Variants in LAMA1 observed in about 807,000 individuals in gnomAD.
LAMA1 encodes the protein laminin subunit alpha 1, also known as laminin subunit alpha-1.
Under a neutral mutation model 348.7 loss-of-function variants are expected in LAMA1, and 219 were observed. That is an observed-to-expected ratio of 0.63 (90% CI 0.56 to 0.70). The LOEUF (loss-of-function observed/expected upper bound fraction) is 0.70, where lower values mean the gene tolerates loss of function less well. Among genes scored for constraint, LAMA1 ranks in the 30% least tolerant of loss-of-function variants. The pLI is 0.00. For missense variants in LAMA1, 3,744 were observed against 3,888.0 expected, an observed-to-expected ratio of 0.96 and a Z score of 0.99; for synonymous variants, 1,487 against 1,491.0, an observed-to-expected ratio of 1.00 and a Z score of 0.06.
chr18:7,018,250 C>T (rs557736642), intron 19 of LAMA1, among the ~76,000 whole-genome samples: 1 of 133,908 alleles, frequency 7.5e-6, no homozygotes, highest in Admixed American at 8.0e-5. Context: ...GCAGGAGAAT[C>T]TCGTGAACCT....
intron 1 of LAMA1, among the ~76,000 whole-genome samples, chr18:7,098,766 G>T (rs1450442711): frequency 4.6e-5 from 6 of 129,842 alleles, no homozygotes; most frequent in Admixed American, 7.9e-5. Context: ...AGGAGGTGAG[G>T]GGCGCCTCTG....
chr18:7,096,584 G>A (rs2058262076), intron 1 of LAMA1, among the ~76,000 whole-genome samples: 1 of 151,968 alleles, frequency 6.6e-6, no homozygotes, highest in African/African-American at 2.4e-5. Flanking sequence ...GAGCCCAGGA[G>A]GTCAAGGCTG....
chr18:7,032,265 A>C (rs1049808629), intron 15 of LAMA1, 89 bp from the exon 16 acceptor site: 3 of 811,222 alleles, frequency 3.7e-6, no homozygotes, highest in Non-Finnish European at 4.3e-6. Context: ...CTTTTTTCTT[A>C]AACATCTTAA....
At chr18:7,004,415 C>T (rs1037835639) in intron 29 of LAMA1, among the ~76,000 whole-genome samples, 3 of 152,004 alleles carry the variant, frequency 2.0e-5, no homozygotes, top group African/African-American at 4.8e-5. Flanking sequence ...TGTAATGGGG[C>T]GATCTCAGCT....
At chr18:6,979,879 A>G (rs2057702697) in intron 42 of LAMA1, among the ~76,000 whole-genome samples, 1 of 152,188 alleles carries the variant, frequency 6.6e-6, no homozygotes, top group African/African-American at 2.4e-5. Context: ...AGCCTGGGCG[A>G]CAGAGCGAGA....
intron 36 of LAMA1, among the ~76,000 whole-genome samples, chr18:6,988,856 C>T (rs1264668917): frequency 6.8e-6 from 1 of 147,242 alleles, no homozygotes. Context: ...GAGATACCAG[C>T]ATGGAAATCA....
chr18:7,071,272 A>T (rs766293708), intron 3 of LAMA1, among the ~76,000 whole-genome samples: 8 of 152,228 alleles, frequency 5.3e-5, no homozygotes, highest in Non-Finnish European at 1.0e-4. Flanking sequence ...TGATTTTTGT[A>T]CCTGCAAAGA....
chr18:6,952,442 T>C (rs189676049), intron 57 of LAMA1, among the ~76,000 whole-genome samples: 22 of 152,224 alleles, frequency 1.4e-4, no homozygotes, highest in Admixed American at 7.2e-4. Context: ...CCAGGTACTG[T>C]GCATGTGTGT....
intron 29 of LAMA1, among the ~76,000 whole-genome samples, chr18:7,004,884 C>T (rs552483568): frequency 2.3e-4 from 35 of 152,246 alleles, no homozygotes; most frequent in African/African-American, 2.6e-4. Flanking sequence ...GGGACTGAGG[C>T]GCTATATTGA....
At chr18:6,967,543 C>T (rs73390560) in intron 48 of LAMA1, among the ~76,000 whole-genome samples, 1,529 of 152,314 alleles carry the variant, frequency 0.01, 25 homozygotes, top group African/African-American at 0.033. Flanking sequence ...AACCATAAAA[C>T]CTCTCTGGGA....
chr18:7,030,872 A>G (rs1454577356), intron 16 of LAMA1, among the ~76,000 whole-genome samples: 1 of 122,500 alleles, frequency 8.2e-6, no homozygotes, highest in African/African-American at 3.2e-5. Context: ...GAGGCCTTGC[A>G]AACCCAAATG....
rs189162505 is a variant in LAMA1 at position 6,961,480 on chromosome 18, C to T, written c.7626+106G>A. 88 of 1,359,372 alleles carry T rather than the reference C, an allele frequency of 6.5e-5. No individual in the cohort carries two copies. The African/African-American group carries it at 1.2e-3, about 18-fold the overall frequency. 84.2% of individuals were successfully genotyped at this position (1,359,372 alleles called of 1,614,324 possible). A position where few individuals can be genotyped will look rare whatever the true frequency, so the allele number is the denominator to read the frequency against. ...ATTGAAAATGCACATCCATAAACAA[C>T]CAGGAACACGGTGACAATAAATGTT... On this transcript the variant is annotated intron_variant, in intron 53 of 62. Coordinates refer to ENST00000389658, the MANE Select transcript of LAMA1 (RefSeq NM_005559.4).
rs566392389 is a variant in LAMA1, at chr18:7,041,735, C to T, written c.1261+410G>A. Among the ~76,000 whole-genome samples the T allele has an allele frequency of 4.6e-5, 7 of 152,320 alleles. No individual in the cohort carries two copies. In the East Asian group the frequency reaches 5.8e-4, roughly 13 times the overall value. ...AGCAATTGCTATTTACTGTGTTCCA[C>T]GCATGGCTTTAAACTGGGCCTTATT... On this transcript the variant is annotated intron_variant, in intron 9 of 62. Transcript: ENST00000389658.
intron 6 of LAMA1, 95 bp from the exon 7 acceptor site, chr18:7,044,934 C>T: frequency 1.1e-6 from 1 of 914,730 alleles, no homozygotes; most frequent in South Asian, 1.3e-5. Context: ...AAATATGTGG[C>T]AAGAACCTCA....
chr18:7,024,571 A>G (rs1469704627), intron 17 of LAMA1, 105 bp from the exon 18 acceptor site: 17 of 911,560 alleles, frequency 1.9e-5, no homozygotes, highest in South Asian at 1.7e-4. Context: ...CAGACCTTCA[A>G]TGAGACCTCC....
chr18:7,080,385 C>A lies in LAMA1; in HGVS notation c.134G>T (p.Gly45Val), dbSNP rs776224791. The change falls in exon 2 of 63, where the codon GGG (glycine) becomes GTG (valine). Residue 45 changes from glycine to valine, a missense_variant. By Grantham distance (109) the Gly-to-Val change is moderately radical (BLOSUM62 -3). This residue lies in a region of LAMA1 where 1,529 missense variants were observed against 1,689.4 expected (regional missense o/e 0.91). Coordinates refer to ENST00000389658, the MANE Select transcript of LAMA1 (RefSeq NM_005559.4). The stretch of plus-strand genomic sequence containing the variant: ...CACAAGTTTGCAGAACATCTCCGGC[C>A]CCTTCTCGCCACAGGTGGCATTGGT... ...ISTNATCGEKGPEMFCKLVEH... is the reference protein window; with the variant it reads ...ISTNATCGEKVPEMFCKLVEH... The A allele has an allele frequency of 1.9e-6, 3 of 1,614,254 alleles. No homozygotes were observed. The South Asian group carries it at 3.3e-5, about 18-fold the overall frequency.
At position 7,057,874 on chromosome 18, in the gene LAMA1, A is replaced by G. The variant is rs556663547; in HGVS notation, c.346-6938T>C. Reference sequence around the variant, plus strand: ...CAGTGGTGCGATCTCCGCTCACTGCAACCTCCACCTCCTGGGCTCAAGCGG... The same window carrying G: ...CAGTGGTGCGATCTCCGCTCACTGCGACCTCCACCTCCTGGGCTCAAGCGG... On this transcript the variant is annotated intron_variant, in intron 3 of 62. Transcript: ENST00000389658. Among the ~76,000 whole-genome samples, 5 of 151,196 alleles carry G rather than the reference A, an allele frequency of 3.3e-5. No homozygotes were observed. The South Asian group carries it at 1.0e-3, about 32-fold the overall frequency.
chr18:7,097,832 TCCCTCTCCCCTCTC>T (rs954648595), intron 1 of LAMA1, among the ~76,000 whole-genome samples: 12 of 151,648 alleles, frequency 7.9e-5, no homozygotes, highest in African/African-American at 2.2e-4. Context: ...CCTCTCCCTC[TCCCTCTCCCCTCTC>T]CCCTCTCCCC....
At chr18:6,969,695 C>T (rs1407498926) in intron 48 of LAMA1, among the ~76,000 whole-genome samples, 1 of 152,156 alleles carries the variant, frequency 6.6e-6, no homozygotes, top group African/African-American at 2.4e-5. Flanking sequence ...GCTGGGTGGC[C>T]AGCCCTCCGT....
Sources: gnomAD v4.1 joint callset for allele counts (sites outside exome capture counted in the v4.1 genomes callset) on GRCh38, gnomAD v4.1.1 for gene constraint, gnomAD v4.1.1 regional missense constraint, MANE v1.5 for transcripts, NCBI Gene and HGNC (gene_info 2026-07-23, HGNC 2026-07-21) for gene names.